TNFSF4: variants seen among roughly 807,000 people sequenced by gnomAD.
The protein encoded by TNFSF4 is tumor necrosis factor ligand superfamily member 4.
A neutral mutation model predicts 7.3 loss-of-function variants in TNFSF4; 4 were observed. That is an observed-to-expected ratio of 0.55 (90% CI 0.27 to 1.25). TNFSF4 has a LOEUF of 1.25. Among genes scored for constraint, TNFSF4 ranks in the 50% most tolerant of loss-of-function variants. The pLI is 0.12. For synonymous variants in TNFSF4, 76 were observed against 83.7 expected (o/e 0.91, Z 0.50); for missense variants, 181 against 208.8 (o/e 0.87, Z 0.82).
At chr1:173,309,240 G>A in the TNFSF4 span, among the ~76,000 whole-genome samples, 1 of 151,746 alleles carries the variant, frequency 6.6e-6, no homozygotes, top group Non-Finnish European at 1.5e-5. Context: ...ACACTGGCTA[G>A]GACCTGTAAA....
At chr1:173,420,178 G>A in the TNFSF4 span, among the ~76,000 whole-genome samples, 1 of 151,660 alleles carries the variant, frequency 6.6e-6, no homozygotes, top group Admixed American at 6.6e-5. Context: ...GCCACTCTGA[G>A]CCATTAAATA....
the TNFSF4 span, among the ~76,000 whole-genome samples, chr1:173,431,198 G>T: frequency 6.6e-6 from 1 of 152,224 alleles, no homozygotes; most frequent in African/African-American, 2.4e-5. Context: ...TTTGGAGAAT[G>T]TGTTTGCATT....
chr1:173,241,265 G>A, the TNFSF4 span, among the ~76,000 whole-genome samples: 9 of 152,202 alleles, frequency 5.9e-5, no homozygotes, highest in African/African-American at 2.2e-4. Flanking sequence ...TGAGCTGCCT[G>A]TTAAACCAAT....
the TNFSF4 span, among the ~76,000 whole-genome samples, chr1:173,298,067 G>T: frequency 6.6e-6 from 1 of 151,880 alleles, no homozygotes; most frequent in Admixed American, 6.6e-5. Context: ...CAGGACAGGG[G>T]CTGAGAGAGG....
chr1:173,186,391 T>C lies in TNFSF4; in HGVS notation c.*125A>G. 1.4e-6 allele frequency: 1 copy of C among 737,140 alleles called. No individual in the cohort carries two copies. The highest frequency in any genetic ancestry group is 1.9e-5 in the South Asian group (1 of 52,696). The allele number at this position is 737,140 out of a possible 1,614,324, so 45.7% of individuals were successfully genotyped here. A position where few individuals can be genotyped will look rare whatever the true frequency, so the allele number is the denominator to read the frequency against. On this transcript the variant is annotated 3_prime_UTR_variant, in exon 3 of 3. Transcript: ENST00000281834. ...TGGGGGCGGGAGGGCCAGGATCTGC[T>C]TCTTGTCACATCCCACGTGGCTGAG...
chr1:173,412,539 A>G, the TNFSF4 span, among the ~76,000 whole-genome samples: 1 of 152,240 alleles, frequency 6.6e-6, no homozygotes, highest in African/African-American at 2.4e-5. Context: ...CATCGTTAGG[A>G]GAGTCAAAAC....
At chr1:173,248,677 G>A in the TNFSF4 span, among the ~76,000 whole-genome samples, 1 of 152,150 alleles carries the variant, frequency 6.6e-6, no homozygotes, top group African/African-American at 2.4e-5. Context: ...AGACAAGAGA[G>A]GCAGGCGGGA....
chr1:173,323,596 A>G, the TNFSF4 span, among the ~76,000 whole-genome samples: 1 of 152,234 alleles, frequency 6.6e-6, no homozygotes, highest in South Asian at 2.1e-4. Flanking sequence ...ACCAATGGCA[A>G]AGAAGTTAAA....
At chr1:173,384,256 A>C in the TNFSF4 span, among the ~76,000 whole-genome samples, 1 of 152,252 alleles carries the variant, frequency 6.6e-6, no homozygotes, top group African/African-American at 2.4e-5. Context: ...TGATAAACAC[A>C]ATAAATAAAG....
chr1:173,402,565 G>A, the TNFSF4 span, among the ~76,000 whole-genome samples: 1 of 152,162 alleles, frequency 6.6e-6, no homozygotes, highest in African/African-American at 2.4e-5. Flanking sequence ...CAGATGGAAC[G>A]TATTAAGCCA....
chr1:173,445,532 T>A, the TNFSF4 span, among the ~76,000 whole-genome samples: 1 of 152,110 alleles, frequency 6.6e-6, no homozygotes, highest in Non-Finnish European at 1.5e-5. Context: ...AAAATCCCAA[T>A]AGAAATTCTG....
chr1:173,186,618 G>A lies in TNFSF4; in HGVS notation c.450C>T (p.Tyr150=). 6.2e-7 allele frequency: 1 copy of A among 1,614,186 alleles called. No homozygotes were observed. The highest frequency in any genetic ancestry group is 1.3e-5 in the African/African-American group (1 of 75,060). The part of the protein sequence containing the change: ...VASLTYKDKV[Y]LNVTTDNTSL... ...AGGTATTGTCAGTGGTCACATTCAA[G>A]TAGACTTTGTCTTTGTAAGTCAGAG... The change falls in exon 3 of 3, where the codon TAC becomes TAT. Residue 150 remains tyrosine (Y), a synonymous_variant. Coordinates refer to ENST00000281834, the MANE Select transcript of TNFSF4 (RefSeq NM_003326.5).
chr1:173,363,760 G>T, the TNFSF4 span: 9,130 of 182,074 alleles, frequency 0.05, 914 homozygotes, highest in African/African-American at 0.2. Flanking sequence ...GCCTCCACAG[G>T]TCTGAGACAT....
At chr1:173,238,573 C>T in the TNFSF4 span, among the ~76,000 whole-genome samples, 4 of 151,902 alleles carry the variant, frequency 2.6e-5, no homozygotes, top group South Asian at 4.1e-4. Flanking sequence ...AAAAACACTA[C>T]CCCTTTAAAA....
the TNFSF4 span, among the ~76,000 whole-genome samples, chr1:173,228,677 C>T: frequency 1.3e-3 from 203 of 152,152 alleles, no homozygotes; most frequent in Non-Finnish European, 2.4e-3. Flanking sequence ...GCTTAAAAAC[C>T]TTGAAAAAAG....
At chr1:173,303,646 G>A in the TNFSF4 span, among the ~76,000 whole-genome samples, 2 of 151,776 alleles carry the variant, frequency 1.3e-5, no homozygotes, top group East Asian at 3.9e-4. Flanking sequence ...TTTTAATTCA[G>A]AAGTGAATAA....
At chr1:173,320,380 T>C in the TNFSF4 span, among the ~76,000 whole-genome samples, 1 of 152,168 alleles carries the variant, frequency 6.6e-6, no homozygotes, top group Admixed American at 6.5e-5. Context: ...AATATCAAAC[T>C]GAATAGGCAA....
At chr1:173,331,225 A>G in the TNFSF4 span, among the ~76,000 whole-genome samples, 4 of 152,180 alleles carry the variant, frequency 2.6e-5, no homozygotes, top group African/African-American at 7.2e-5. Flanking sequence ...AAAGATGTAT[A>G]GTCTCAGAAT....
At chr1:173,210,497 AG>A (rs1650336432), upstream of TNFSF4, among the ~76,000 whole-genome samples, 1 of 152,130 alleles carries the variant, frequency 6.6e-6, no homozygotes, top group African/African-American at 2.4e-5. Context: ...CTGAAGAGGA[AG>A]ATGGTGAAGG....
Sources: allele counts gnomAD v4.1 joint callset (sites outside exome capture counted in the v4.1 genomes callset), GRCh38; gene constraint gnomAD v4.1.1; transcripts MANE v1.5; gene names NCBI Gene and HGNC (gene_info 2026-07-23, HGNC 2026-07-21).